The following FRMD6 variants were observed in gnomAD, a reference collection of about 807,000 sequenced individuals.
FRMD6 encodes the protein FERM domain-containing protein 6.
Under a neutral mutation model 73.2 loss-of-function variants are expected in FRMD6, and 37 were observed. The observed-to-expected ratio is 0.51, with a 90% CI of 0.39 to 0.66. The LOEUF (loss-of-function observed/expected upper bound fraction) is 0.66. Ranked by LOEUF, FRMD6 falls within the 30% of genes least tolerant of loss-of-function variation. FRMD6 has a pLI of 0.00. For missense variants in FRMD6, 714 were observed against 780.5 expected (o/e 0.91, Z 1.02); for synonymous variants, 273 against 282.2 (o/e 0.97, Z 0.33).
chr14:51,436,105 G>T, the FRMD6 span: 1 of 222,624 alleles, frequency 4.5e-6, no homozygotes, highest in South Asian at 6.9e-5. Flanking sequence ...CCTGCCCTGA[G>T]ACCAGAGAAG....
intron 1 of FRMD6, among the ~76,000 whole-genome samples, chr14:51,658,132 TG>T (rs1892969696): frequency 1.3e-5 from 2 of 152,108 alleles, no homozygotes; most frequent in African/African-American, 2.4e-5. Flanking sequence ...GTGAGTCCAT[TG>T]GGGGGCTCAC....
At chr14:51,713,291 C>T (rs1007495355) in intron 9 of FRMD6, among the ~76,000 whole-genome samples, 1 of 152,112 alleles carries the variant, frequency 6.6e-6, no homozygotes, top group African/African-American at 2.4e-5. Flanking sequence ...AATCCTGTCT[C>T]TACTAAAAAT....
intron 2 of FRMD6, among the ~76,000 whole-genome samples, chr14:51,592,700 C>T (rs1015588260): frequency 3.3e-5 from 5 of 152,134 alleles, no homozygotes; most frequent in African/African-American, 1.2e-4. Context: ...TGGTTTCCAT[C>T]GTAACTGTAA....
chr14:51,691,148 T>A (rs1297222101), intron 2 of FRMD6, among the ~76,000 whole-genome samples: 1 of 152,188 alleles, frequency 6.6e-6, no homozygotes, highest in East Asian at 1.9e-4. Flanking sequence ...TTACTCAACA[T>A]TTGTCCTGTG....
chr14:51,719,577 G>A (rs1164853286), intron 10 of FRMD6, among the ~76,000 whole-genome samples: 1 of 152,214 alleles, frequency 6.6e-6, no homozygotes, highest in Non-Finnish European at 1.5e-5. Context: ...TATTTATTAA[G>A]TAGTCTTCTA....
At chr14:51,566,165 A>G (rs1191155718) in intron 1 of FRMD6, among the ~76,000 whole-genome samples, 2 of 152,220 alleles carry the variant, frequency 1.3e-5, no homozygotes, top group Non-Finnish European at 2.9e-5. Context: ...ACTCTGTCTC[A>G]AGACAAAGCC....
intron 1 of FRMD6, among the ~76,000 whole-genome samples, chr14:51,564,071 C>T (rs1219540502): frequency 6.6e-6 from 1 of 152,196 alleles, no homozygotes; most frequent in African/African-American, 2.4e-5. Flanking sequence ...GCTCTGGTCA[C>T]TATTTATCCT....
chr14:51,583,027 A>G (rs946194553), intron 2 of FRMD6, among the ~76,000 whole-genome samples: 7 of 152,170 alleles, frequency 4.6e-5, no homozygotes, highest in African/African-American at 1.7e-4. Flanking sequence ...GGTGGCACTC[A>G]TATGCGTTTT....
At chr14:51,587,147 AG>A (rs1453650944) in intron 2 of FRMD6, among the ~76,000 whole-genome samples, 1 of 152,238 alleles carries the variant, frequency 6.6e-6, no homozygotes, top group Non-Finnish European at 1.5e-5. Flanking sequence ...TTTGTTGAAT[AG>A]GGTGTCATTT....
At chr14:51,648,228 G>A (rs963076835), upstream of FRMD6, among the ~76,000 whole-genome samples, 1 of 152,134 alleles carries the variant, frequency 6.6e-6, no homozygotes, top group Non-Finnish European at 1.5e-5. Context: ...TACCTGTAAA[G>A]GAATGTGAAT....
At chr14:51,572,397 A>G (rs900446145) in intron 2 of FRMD6, among the ~76,000 whole-genome samples, 7 of 152,264 alleles carry the variant, frequency 4.6e-5, no homozygotes, top group African/African-American at 1.7e-4. Flanking sequence ...GCTAATATGA[A>G]TGAATAACAG....
At chr14:51,624,519 C>T (rs1039150988) in intron 2 of FRMD6, among the ~76,000 whole-genome samples, 2 of 152,172 alleles carry the variant, frequency 1.3e-5, no homozygotes, top group Non-Finnish European at 2.9e-5. Context: ...TTCTTTCTTC[C>T]TGGCTTTTAA....
the FRMD6 span, among the ~76,000 whole-genome samples, chr14:51,407,242 G>T: frequency 4.6e-5 from 7 of 151,834 alleles, no homozygotes; most frequent in South Asian, 8.3e-4. Flanking sequence ...TTTGGATTTT[G>T]CATCTGTGTT....
At chr14:51,416,099 A>G in the FRMD6 span, among the ~76,000 whole-genome samples, 2 of 152,100 alleles carry the variant, frequency 1.3e-5, no homozygotes, top group Admixed American at 6.5e-5. Context: ...TTTTCAAAAA[A>G]CCAGCTCCTG....
intron 2 of FRMD6, among the ~76,000 whole-genome samples, chr14:51,583,753 C>T (rs542751324): frequency 8.5e-5 from 13 of 152,260 alleles, no homozygotes; most frequent in African/African-American, 2.6e-4. Context: ...TGAAGAATTA[C>T]AATGGTGCAG....
intron 2 of FRMD6, among the ~76,000 whole-genome samples, chr14:51,604,255 T>C (rs1890157261): frequency 6.6e-6 from 1 of 152,210 alleles, no homozygotes. Flanking sequence ...ACCCATTGCG[T>C]GAAAAGCACC....
chr14:51,609,152 A>G lies in FRMD6; in HGVS notation c.-147+38742A>G, dbSNP rs74052610. Among the ~76,000 whole-genome samples the G allele has an allele frequency of 8.7e-3, 1,328 of 152,282 alleles. 25 individuals carry two copies. The highest frequency in any genetic ancestry group is 0.03 in the African/African-American group (1,265 of 41,554). On this transcript the variant is annotated intron_variant, in intron 2 of 14. Coordinates refer to the FRMD6 transcript ENST00000356218. ...CAGAAATGTACATTTAAACCAGGAC[A>G]GATTCTAACAACCTGGACAGGAAAC... is the stretch of plus-strand genomic sequence containing the variant.
chr14:51,454,185 G>C, the FRMD6 span, among the ~76,000 whole-genome samples: 1 of 152,198 alleles, frequency 6.6e-6, no homozygotes, highest in African/African-American at 2.4e-5. Context: ...GCTTATTTTG[G>C]TCAACAACTA....
the FRMD6 span, among the ~76,000 whole-genome samples, chr14:51,419,204 C>T: frequency 6.6e-6 from 1 of 152,218 alleles, no homozygotes; most frequent in East Asian, 1.9e-4. Flanking sequence ...CAACCAGTCC[C>T]CGTGAGACGA....
Sources: gnomAD v4.1 joint callset for allele counts (sites outside exome capture counted in the v4.1 genomes callset) on GRCh38, gnomAD v4.1.1 for gene constraint, MANE v1.5 for transcripts, NCBI Gene and HGNC (gene_info 2026-07-23, HGNC 2026-07-21) for gene names.